ZNF618: variants seen among roughly 807,000 people sequenced by gnomAD.
ZNF618 encodes neural precursor cell expressed, developmentally down-regulated 10.
In ZNF618, 34 loss-of-function variants were observed where a neutral mutation model predicts 103.0. The observed-to-expected ratio is 0.33, with a 90% CI of 0.25 to 0.44. The LOEUF (loss-of-function observed/expected upper bound fraction) is 0.44, where lower values mean the gene tolerates loss of function less well. ZNF618 is among the 20% of genes least tolerant of loss of function. ZNF618 has a pLI of 1.00. For synonymous variants in ZNF618, 551 were observed against 542.2 expected (o/e 1.02, Z -0.23); for missense variants, 1,059 against 1,295.4 (o/e 0.82, Z 2.80).
chr9:113,893,303 A>G (rs1829771799), intron 1 of ZNF618, among the ~76,000 whole-genome samples: 1 of 152,220 alleles, frequency 6.6e-6, no homozygotes, highest in Non-Finnish European at 1.5e-5. Flanking sequence ...CTATATAAGT[A>G]CCTTATTGAA....
At chr9:113,914,238 A>T (rs1359780101) in intron 1 of ZNF618, among the ~76,000 whole-genome samples, 2 of 152,182 alleles carry the variant, frequency 1.3e-5, no homozygotes. Context: ...TTAGCAAGGT[A>T]GTGTCTAAGT....
rs1835756819 is a variant in ZNF618, at chr9:113,951,567, G to GTGTGTATATA, written c.34-17545_34-17544insATATATGTGT. Among the ~76,000 whole-genome samples, 4 of 24,930 alleles carry GTGTGTATATA rather than the reference G, an allele frequency of 1.6e-4. No individual in the cohort carries two copies. In the Admixed American group the frequency reaches 2.0e-3, roughly 12 times the overall value. 16.4% of individuals were successfully genotyped at this position (24,930 alleles called of 152,430 possible). ...TGTACACATATGTGTGTGTATATGT[G>GTGTGTATATA]TGTGTGTATATGTGTGTGTGTGTGT... On this transcript the variant is annotated intron_variant, in intron 1 of 14. Coordinates refer to ENST00000374126, the MANE Select transcript of ZNF618 (RefSeq NM_001318042.2).
At chr9:113,980,939 T>G (rs7019628) in intron 2 of ZNF618, among the ~76,000 whole-genome samples, 137,820 of 152,242 alleles carry the variant, frequency 0.91, 62,606 homozygotes, top group East Asian at 1. Flanking sequence ...GACTTAACAG[T>G]TATTACCAAG....
chr9:114,037,559 G>T (rs745382585), intron 13 of ZNF618, among the ~76,000 whole-genome samples: 1 of 152,206 alleles, frequency 6.6e-6, no homozygotes, highest in East Asian at 1.9e-4. Flanking sequence ...AGAGGCATTA[G>T]AAATAATGGG....
chr9:113,997,585 C>A (rs12238713), intron 3 of ZNF618, among the ~76,000 whole-genome samples: 38,063 of 152,124 alleles, frequency 0.25, 5,493 homozygotes, highest in Non-Finnish European at 0.32. Flanking sequence ...GTGTGAGAAA[C>A]CCCTGAGCCA....
At chr9:113,994,022 C>G (rs1309711711) in intron 3 of ZNF618, among the ~76,000 whole-genome samples, 4 of 152,148 alleles carry the variant, frequency 2.6e-5, no homozygotes, top group Admixed American at 6.5e-5. Context: ...GGACAAAGTG[C>G]AGGAGCGGGA....
chr9:113,998,955 C>G (rs974152072), intron 4 of ZNF618, among the ~76,000 whole-genome samples: 1 of 152,276 alleles, frequency 6.6e-6, no homozygotes, highest in Non-Finnish European at 1.5e-5. Flanking sequence ...TTATCCCTCA[C>G]AACCCGTTCC....
At chr9:113,965,661 G>A (rs574000458) in intron 1 of ZNF618, among the ~76,000 whole-genome samples, 3 of 152,198 alleles carry the variant, frequency 2.0e-5, no homozygotes, top group South Asian at 2.1e-4. Context: ...CTCCTTCTCC[G>A]CCCCCATTTT....
rs1051314974 is a variant in ZNF618, at chr9:114,052,904, C to A, written c.*2737C>A. 4 of 152,206 alleles carry A rather than the reference C, an allele frequency of 2.6e-5. No homozygotes were observed. Among genetic ancestry groups the A allele is most frequent in the African/African-American group, 7.2e-5 (3 of 41,440 alleles). 9.4% of individuals were successfully genotyped at this position (152,206 alleles called of 1,614,324 possible). A position where few individuals can be genotyped will look rare whatever the true frequency, so the allele number is the denominator to read the frequency against. On this transcript the variant is annotated 3_prime_UTR_variant, in exon 15 of 15. Transcript: ENST00000374126. Reference sequence around the variant, plus strand: ...GAAGAGATTTGATCTTAGGTTGTTACCTCCCTTTCACTTCTTTTCCACCTC... The same window carrying A: ...GAAGAGATTTGATCTTAGGTTGTTAACTCCCTTTCACTTCTTTTCCACCTC...
intron 1 of ZNF618, among the ~76,000 whole-genome samples, chr9:113,955,488 G>A (rs1836193086): frequency 1.3e-5 from 2 of 151,812 alleles, no homozygotes; most frequent in African/African-American, 4.8e-5. Flanking sequence ...GAACTATTTT[G>A]CGTATACTAT....
At chr9:113,911,550 A>C (rs776976045) in intron 1 of ZNF618, among the ~76,000 whole-genome samples, 5 of 151,800 alleles carry the variant, frequency 3.3e-5, no homozygotes, top group African/African-American at 4.8e-5. Flanking sequence ...GATGGTCTCG[A>C]GCTCCTGACC....
intron 3 of ZNF618, among the ~76,000 whole-genome samples, chr9:113,995,703 T>C (rs1417572135): frequency 1.3e-5 from 2 of 152,172 alleles, no homozygotes; most frequent in African/African-American, 4.8e-5. Context: ...TATATCCTCC[T>C]CTAATTTTGT....
At chr9:113,879,253 C>G (rs1828258513) in intron 1 of ZNF618, among the ~76,000 whole-genome samples, 2 of 152,036 alleles carry the variant, frequency 1.3e-5, no homozygotes, top group African/African-American at 4.8e-5. Context: ...AAAAATATTG[C>G]AGCACGTCCC....
intron 3 of ZNF618, among the ~76,000 whole-genome samples, chr9:113,995,699 C>T (rs1452725115): frequency 6.6e-6 from 1 of 152,086 alleles, no homozygotes; most frequent in African/African-American, 2.4e-5. Context: ...CCATTATATC[C>T]TCCTCTAATT....
At position 113,882,489 on chromosome 9, in the gene ZNF618, A is replaced by G. The variant is rs1414928223; in HGVS notation, c.33+6076A>G. On this transcript the variant is annotated intron_variant, in intron 1 of 14. Transcript: ENST00000374126. ...TCAACCCAGTGGCCAGGGATTCTCCATTTGGGGAGATTAAGTCCCACTGAC... is the reference window on the plus strand; with the variant it reads ...TCAACCCAGTGGCCAGGGATTCTCCGTTTGGGGAGATTAAGTCCCACTGAC... Among the ~76,000 whole-genome samples, 5 of 152,162 alleles carry G rather than the reference A, an allele frequency of 3.3e-5. No individual in the cohort carries two copies. The East Asian group carries it at 9.6e-4, about 29-fold the overall frequency.
intron 12 of ZNF618, chr9:114,035,135 T>C: frequency 1.0e-6 from 1 of 979,476 alleles, no homozygotes; most frequent in South Asian, 4.7e-5. Context: ...AAATTATGAC[T>C]ATCAGCACAG....
At chr9:114,009,968 C>T (rs555201220) in intron 9 of ZNF618, among the ~76,000 whole-genome samples, 4 of 152,326 alleles carry the variant, frequency 2.6e-5, no homozygotes, top group African/African-American at 9.6e-5. Context: ...AGTGCTGTCA[C>T]ATGCATAGTA....
At chr9:113,911,365 G>A (rs1831528124) in intron 1 of ZNF618, among the ~76,000 whole-genome samples, 1 of 152,062 alleles carries the variant, frequency 6.6e-6, no homozygotes, top group Admixed American at 6.6e-5. Context: ...TTTCACTCTA[G>A]TCACCCAGGC....
chr9:113,986,985 A>C (rs1457524710), intron 2 of ZNF618, among the ~76,000 whole-genome samples: 1 of 152,202 alleles, frequency 6.6e-6, no homozygotes, highest in East Asian at 1.9e-4. Context: ...TGGGTCCCTG[A>C]GTCCCAGTCC....
Sources: allele counts gnomAD v4.1 joint callset (sites outside exome capture counted in the v4.1 genomes callset), GRCh38; gene constraint gnomAD v4.1.1; transcripts MANE v1.5; gene names NCBI Gene and HGNC (gene_info 2026-07-23, HGNC 2026-07-21).